PLCG1: variants seen among roughly 807,000 people sequenced by gnomAD.
The protein encoded by PLCG1 is 1-phosphatidylinositol 4,5-bisphosphate phosphodiesterase gamma-1.
In PLCG1, 71 loss-of-function variants were observed where a neutral mutation model predicts 177.8. That is an observed-to-expected ratio of 0.40 (90% CI 0.33 to 0.49). The LOEUF (loss-of-function observed/expected upper bound fraction) is 0.49. Ranked by LOEUF, PLCG1 falls within the 20% of genes least tolerant of loss-of-function variation. The probability of loss-of-function intolerance (pLI) is 0.72; values close to 1 mark genes in which losing one functional copy is unlikely to be tolerated. For synonymous variants in PLCG1, 658 were observed against 647.9 expected, an observed-to-expected ratio of 1.02 and a Z score of -0.24; for missense variants, 1,281 against 1,709.0, an observed-to-expected ratio of 0.75 and a Z score of 4.42.
At chr20:41,155,662 C>T (rs999957606) in intron 1 of PLCG1, among the ~76,000 whole-genome samples, 1 of 152,146 alleles carries the variant, frequency 6.6e-6, no homozygotes, top group African/African-American at 2.4e-5. Context: ...TTATTTCACC[C>T]AAGTTTGGGT....
In PLCG1 at chr20:41,166,484, A is replaced by G; in HGVS notation, c.2009A>G (p.His670Arg). ...TNAHESKEWY[H>R]ASLTRAQAEH... ...ACTCTGCCTGTTCTCAGGTGGTACCACGCGAGCCTGACCAGAGCACAGGCT... is the reference window on the plus strand; with the variant it reads ...ACTCTGCCTGTTCTCAGGTGGTACCGCGCGAGCCTGACCAGAGCACAGGCT... The change falls in exon 18 of 32, where the codon CAC becomes CGC. Residue 670 changes from histidine (H) to arginine (R), a missense_variant. This residue lies in a region of PLCG1 where 723 missense variants were observed against 1,030.0 expected (regional missense o/e 0.70). Transcript: ENST00000685551. The surrounding 1 kb of genome is among the most constrained non-coding windows in gnomAD (Gnocchi z 8.6). 6.2e-7 allele frequency: 1 copy of G among 1,614,050 alleles called. No homozygotes were observed. The highest frequency in any genetic ancestry group is 8.5e-7 in the Non-Finnish European group (1 of 1,180,032).
In PLCG1 at chr20:41,176,201, C is replaced by G. The variant is rs1209855689; in HGVS notation, c.*1692C>G. On this transcript the variant is annotated 3_prime_UTR_variant, in exon 32 of 32. Coordinates refer to ENST00000685551, the MANE Select transcript of PLCG1 (RefSeq NM_002660.3). Reference sequence around the variant, plus strand: ...GTGCTGGGATGGAACAAAAATGACGCCACACAAAAAATTTAAGATAGATCC... The same window carrying G: ...GTGCTGGGATGGAACAAAAATGACGGCACACAAAAAATTTAAGATAGATCC... 6.6e-6 allele frequency: 1 copy of G among 152,098 alleles called. No individual in the cohort carries two copies. Among genetic ancestry groups the G allele is most frequent in the Non-Finnish European group, 1.5e-5 (1 of 68,032 alleles). The allele number at this position is 152,098 out of a possible 1,614,324, so 9.4% of individuals were successfully genotyped here.
intron 20 of PLCG1, among the ~76,000 whole-genome samples, 161 bp downstream of exon 20, chr20:41,168,090 C>T (rs1157036157): frequency 1.3e-5 from 2 of 151,996 alleles, no homozygotes; most frequent in African/African-American, 4.8e-5. Context: ...GGTGAGCGAC[C>T]GCAGGTCTCC....
chr20:41,162,392 C>T (rs984967248), intron 4 of PLCG1, 60 bp from the exon 5 acceptor site: 13 of 1,374,470 alleles, frequency 9.5e-6, no homozygotes, highest in African/African-American at 1.4e-5. Context: ...GGGCTCGACC[C>T]ACAGGTCAGA....
rs2035691067 is a variant in PLCG1, at chr20:41,166,286, C to A, written c.1892C>A (p.Ser631Tyr). The A allele has an allele frequency of 6.2e-7, 1 of 1,614,066 alleles. No homozygotes were observed. Among genetic ancestry groups the A allele is most frequent in the African/African-American group, 1.3e-5 (1 of 74,940 alleles). ...FFLTDNLVFD[S>Y]LYDLITHYQQ... is the part of the protein sequence containing the mutation. ...TTGACAGACAACCTCGTCTTTGACT[C>A]CCTCTATGACCTCATCACGCACTAC... Residue 631 changes from serine (S) to tyrosine (Y), a missense_variant, in exon 17 of 32, where the codon TCC (serine) becomes TAC (tyrosine). This residue lies in a region of PLCG1 where 723 missense variants were observed against 1,030.0 expected (regional missense o/e 0.70). Coordinates refer to ENST00000685551, the MANE Select transcript of PLCG1 (RefSeq NM_002660.3). The surrounding 1 kb of genome is among the most constrained non-coding windows in gnomAD (Gnocchi z 8.6).
At chr20:41,155,158 T>C (rs2035281475) in intron 1 of PLCG1, among the ~76,000 whole-genome samples, 1 of 152,264 alleles carries the variant, frequency 6.6e-6, no homozygotes, top group Non-Finnish European at 1.5e-5. Context: ...ATTTTACAAA[T>C]TCAGTCTTGT....
chr20:41,171,644 T>C (rs375655980), intron 24 of PLCG1, among the ~76,000 whole-genome samples: 1 of 137,402 alleles, frequency 7.3e-6, no homozygotes, highest in African/African-American at 2.8e-5. Flanking sequence ...AGAGGATGGG[T>C]TGGGGTGCTT....
chr20:41,175,924 G>T lies in PLCG1; in HGVS notation c.*1415G>T, dbSNP rs1345709463. 6.6e-6 allele frequency: 1 copy of T among 152,338 alleles called. No homozygotes were observed. Among genetic ancestry groups the T allele is most frequent in the South Asian group, 2.1e-4 (1 of 4,832 alleles). The allele number at this position is 152,338 out of a possible 1,614,324, so 9.4% of individuals were successfully genotyped here. On this transcript the variant is annotated 3_prime_UTR_variant, in exon 32 of 32. Transcript: ENST00000685551. Reference sequence around the variant, plus strand: ...CCACTCTCTCCTGCCCACCCTCTGAGGGTGTGTCTGAGCAGAGTACATCCT... The same window carrying T: ...CCACTCTCTCCTGCCCACCCTCTGATGGTGTGTCTGAGCAGAGTACATCCT...
chr20:41,144,656 A>AG lies in PLCG1; in HGVS notation c.217+6801dup, dbSNP rs755796468. 6.6e-6 allele frequency among the ~76,000 whole-genome samples: 1 copy of AG among 152,208 alleles called. No homozygotes were observed. The highest frequency in any genetic ancestry group is 1.5e-5 in the Non-Finnish European group (1 of 68,028). On this transcript the variant is annotated intron_variant, in intron 1 of 31. Transcript: ENST00000685551. The surrounding 1 kb of genome is among the most constrained non-coding windows in gnomAD (Gnocchi z 4.1). ...GCTCCATGCCCCAAATATCCTGAGA[A>AG]GGGCTTTTCCAGGATTCTCTATGAC...
In PLCG1 at chr20:41,165,682, A is replaced by G; in HGVS notation, c.1655A>G (p.His552Arg). 1 of 1,614,068 alleles carries G rather than the reference A, an allele frequency of 6.2e-7. No individual in the cohort carries two copies. Among genetic ancestry groups the G allele is most frequent in the Non-Finnish European group, 8.5e-7 (1 of 1,179,980 alleles). ...TELHSNEKWF[H>R]GKLGAGRDGR... is the part of the protein sequence containing the mutation. The stretch of plus-strand genomic sequence containing the variant: ...CTGCACTCCAATGAGAAGTGGTTCC[A>G]TGGGAAGCTAGGGGCAGGGCGTGAC... Residue 552 changes from histidine (H) to arginine (R), a missense_variant, in exon 16 of 32, where the codon CAT becomes CGT. His to Arg is a conservative substitution (Grantham distance 29). Around this residue, in one of 4 missense-constraint regions of PLCG1, gnomAD observed 723 missense variants for 1,030.0 expected, o/e 0.70. Coordinates refer to ENST00000685551, the MANE Select transcript of PLCG1 (RefSeq NM_002660.3). This position sits in a 1 kb window ranked among gnomAD's most constrained non-coding sequence, Gnocchi z 6.6.
In PLCG1 at chr20:41,159,632, C is replaced by T. The variant is rs773797758; in HGVS notation, c.244C>T (p.Arg82Cys). 1.9e-6 allele frequency: 3 copies of T among 1,614,102 alleles called. No homozygotes were observed. The highest frequency in any genetic ancestry group is 2.5e-6 in the Non-Finnish European group (3 of 1,180,006). Residue 82 changes from arginine to cysteine, a missense_variant, in exon 2 of 32, where the codon CGC (arginine) becomes TGC (cysteine). Transcript: ENST00000685551. This position sits in a 1 kb window ranked among gnomAD's most constrained non-coding sequence, Gnocchi z 6.0. ...AIDIREIKEI[R>C]PGKTSRDFDR... ...TGACATTCGTGAAATTAAGGAGATCCGCCCAGGGAAGACCTCACGGGACTT... is the reference window on the plus strand; with the variant it reads ...TGACATTCGTGAAATTAAGGAGATCTGCCCAGGGAAGACCTCACGGGACTT...
rs142127093 is a variant in PLCG1 at position 41,172,531 on chromosome 20, C to T, written c.3016C>T (p.Leu1006=). The T allele has an allele frequency of 4.3e-6, 7 of 1,614,038 alleles. No homozygotes were observed. The highest frequency in any genetic ancestry group is 5.9e-6 in the Non-Finnish European group (7 of 1,179,990). Residue 1006 remains leucine (L), a synonymous_variant, in exon 26 of 32, where the codon CTG becomes TTG. Transcript: ENST00000685551. This position sits in a 1 kb window ranked among gnomAD's most constrained non-coding sequence, Gnocchi z 7.0. Reference sequence around the variant, plus strand: ...CAAGAAGTTCCTTCAGTACAATCGACTGCAGCTCTCCCGCATCTACCCCAA... The same window carrying T: ...CAAGAAGTTCCTTCAGTACAATCGATTGCAGCTCTCCCGCATCTACCCCAA... The part of the protein sequence containing the change: ...KGKKFLQYNR[L]QLSRIYPKGQ...
In PLCG1 at chr20:41,174,148, T is replaced by C. The variant is rs774881448; in HGVS notation, c.3670T>C (p.Phe1224Leu). ...GCAGGAGAATGGTGACCTCAGTCCC[T>C]TCAGTGGTACGTCCCTGCGGGAGCG... ...AKQENGDLSP[F>L]SGTSLRERGS... The change falls in exon 31 of 32, where the codon TTC (phenylalanine) becomes CTC (leucine). Residue 1224 changes from phenylalanine to leucine, a missense_variant. Physicochemically the swap from Phe to Leu is conservative, Grantham distance 22. Transcript: ENST00000685551. This position sits in a 1 kb window ranked among gnomAD's most constrained non-coding sequence, Gnocchi z 5.8. 1.2e-6 allele frequency: 2 copies of C among 1,613,988 alleles called. No individual in the cohort carries two copies.
chr20:41,154,245 C>G (rs1353066251), intron 1 of PLCG1, among the ~76,000 whole-genome samples: 1 of 152,202 alleles, frequency 6.6e-6, no homozygotes, highest in Admixed American at 6.5e-5. Flanking sequence ...TGGGGGACCT[C>G]TGTCTGTTGG....
In PLCG1 at chr20:41,173,784, C is replaced by A; in HGVS notation, c.3527C>A (p.Ala1176Asp). 1.2e-6 allele frequency: 2 copies of A among 1,614,048 alleles called. No individual in the cohort carries two copies. The highest frequency in any genetic ancestry group is 1.7e-6 in the Non-Finnish European group (2 of 1,179,944). ...AGTGACCAGAATTTCCTGGCTCAGG[C>A]TACTTTCCCAGTAAAAGGCCTGAAG... ...MFSDQNFLAQ[A>D]TFPVKGLKTG... Residue 1176 changes from alanine to aspartate, a missense_variant, in exon 29 of 32, where the codon GCT (alanine) becomes GAT (aspartate). Coordinates refer to ENST00000685551, the MANE Select transcript of PLCG1 (RefSeq NM_002660.3). The surrounding 1 kb of genome is among the most constrained non-coding windows in gnomAD (Gnocchi z 6.2).
At chr20:41,171,037 AGGT>A (rs1180524020) in intron 24 of PLCG1, 2 of 152,346 alleles carry the variant, frequency 1.3e-5, no homozygotes, top group African/African-American at 4.8e-5. Flanking sequence ...CTTCTGGAGA[AGGT>A]GGCCTCTTCC....
In PLCG1 at chr20:41,165,755, C is replaced by G; in HGVS notation, c.1728C>G (p.Thr576=). 1 of 1,611,446 alleles carries G rather than the reference C, an allele frequency of 6.2e-7. No homozygotes were observed. The highest frequency in any genetic ancestry group is 8.5e-7 in the Non-Finnish European group (1 of 1,177,992). ...ERLLTEYCIE[T]GAPDGSFLVR... ...TGCTTACTGAGTACTGCATCGAGACCGGAGCCCCTGACGGCTCCTTCCTCG... is the reference window on the plus strand; with the variant it reads ...TGCTTACTGAGTACTGCATCGAGACGGGAGCCCCTGACGGCTCCTTCCTCG... The change falls in exon 16 of 32, where the codon ACC becomes ACG. Residue 576 remains threonine (T), a synonymous_variant. Transcript: ENST00000685551. This position sits in a 1 kb window ranked among gnomAD's most constrained non-coding sequence, Gnocchi z 6.6.
chr20:41,149,470 CA>C (rs996569548), intron 1 of PLCG1, among the ~76,000 whole-genome samples: 8 of 152,144 alleles, frequency 5.3e-5, no homozygotes, highest in Non-Finnish European at 1.0e-4. Flanking sequence ...TTAGCTGACC[CA>C]GGGGGTATGG....
chr20:41,174,260 TC>T lies in PLCG1; in HGVS notation c.3784del (p.Arg1262AlafsTer75), dbSNP rs1178394072. 8 of 1,614,214 alleles carry T rather than the reference TC, an allele frequency of 5.0e-6. No homozygotes were observed. Among genetic ancestry groups the T allele is most frequent in the African/African-American group, 1.3e-5 (1 of 75,050 alleles). ...CGCTACCAGCAGCCGTTTGAGGACT[TC>T]CGCATCTCCCAGGAGCATCTCGCAG... is the stretch of plus-strand genomic sequence containing the variant. ...ESRYQQPFED[F>X]RISQEHLADH... On this transcript the variant is annotated frameshift_variant, in exon 31 of 32. Coordinates refer to ENST00000685551, the MANE Select transcript of PLCG1 (RefSeq NM_002660.3). LOFTEE classifies it high-confidence loss of function. The surrounding 1 kb of genome is among the most constrained non-coding windows in gnomAD (Gnocchi z 5.8).
Sources: allele counts gnomAD v4.1 joint callset (sites outside exome capture counted in the v4.1 genomes callset), GRCh38; gene constraint gnomAD v4.1.1; regional missense constraint gnomAD v4.1.1; non-coding constraint Gnocchi (gnomAD v3.1); transcripts MANE v1.5; gene names NCBI Gene and HGNC (gene_info 2026-07-23, HGNC 2026-07-21).